Variants in SMIM7 observed in about 807,000 individuals in gnomAD.
The protein encoded by SMIM7 is UPF0608 protein C19orf42.
Under a neutral mutation model 13.3 loss-of-function variants are expected in SMIM7, and 12 were observed. That is an observed-to-expected ratio of 0.90 (90% CI 0.58 to 1.46). SMIM7 has a LOEUF of 1.46. Among genes scored for constraint, SMIM7 ranks in the 40% most tolerant of loss-of-function variants. The probability of loss-of-function intolerance (pLI) is 0.00; values close to 1 mark genes in which losing one functional copy is unlikely to be tolerated. For synonymous variants in SMIM7, 36 were observed against 35.8 expected (o/e 1.01, Z -0.02); for missense variants, 114 against 94.8 (o/e 1.20, Z -0.84).
chr19:16,643,901 G>A (rs1408966129), downstream of SMIM7: 2 of 152,142 alleles, frequency 1.3e-5, no homozygotes, highest in Non-Finnish European at 2.9e-5. Context: ...GCAACAAGGT[G>A]GCTAAGGACC....
At chr19:16,645,483 G>C (rs976035242), downstream of SMIM7, 2 of 152,126 alleles carry the variant, frequency 1.3e-5, no homozygotes, top group African/African-American at 4.8e-5. Flanking sequence ...AGACCTTGGG[G>C]TGATGCTTGG....
Position 16,660,128 on chromosome 19 carries a change from C to A in SMIM7, c.-18G>T, listed in dbSNP as rs753594591. 6.2e-7 allele frequency: 1 copy of A among 1,613,970 alleles called. No homozygotes were observed. On this transcript the variant is annotated 5_prime_UTR_variant, in exon 1 of 5. Coordinates refer to ENST00000487416, the MANE Select transcript of SMIM7 (RefSeq NM_024104.4). ...CCGATCATCGTTACGGCCGAAGCGT[C>A]CGTCAGAACCGGAAGCGGAAGCCCC...
At chr19:16,633,219 G>C (rs956846726) in intron 4 of SMIM7, among the ~76,000 whole-genome samples, 4 of 152,006 alleles carry the variant, frequency 2.6e-5, no homozygotes, top group Non-Finnish European at 4.4e-5. Flanking sequence ...CACTTTGGGA[G>C]GCAGAAGTGG....
At chr19:16,652,555 C>T (rs2086541388) in intron 4 of SMIM7, 3 of 1,111,828 alleles carry the variant, frequency 2.7e-6, no homozygotes, top group South Asian at 5.4e-5. Context: ...TTCTTTGTTC[C>T]TAGGCAAGTC....
At chr19:16,655,309 A>G in intron 3 of SMIM7, 1 of 456,250 alleles carries the variant, frequency 2.2e-6, no homozygotes, top group Non-Finnish European at 4.4e-6. Context: ...AAGACTCCAG[A>G]GACCTGGGTT....
chr19:16,656,107 C>A (rs1043857521), intron 3 of SMIM7, among the ~76,000 whole-genome samples: 5 of 152,044 alleles, frequency 3.3e-5, no homozygotes, highest in African/African-American at 1.2e-4. Context: ...CATTCCAGGC[C>A]GGGTGCAGTG....
chr19:16,654,052 C>T lies in SMIM7; in HGVS notation c.195G>A (p.Met65Ile), dbSNP rs371980842. The T allele has an allele frequency of 1.7e-5, 27 of 1,613,914 alleles. No individual in the cohort carries two copies. The highest frequency in any genetic ancestry group is 2.3e-5 in the Non-Finnish European group (27 of 1,180,000). ...RIFIALWNIF[M>I]MFCMIVLFGS is the part of the protein sequence containing the mutation. ...GGACTCACACAATCATGCAGAACAT[C>T]ATGAAGATGTTCCACAGGGCGATGA... Residue 65 changes from methionine to isoleucine, a missense_variant, in exon 4 of 5, where the codon ATG (methionine) becomes ATA (isoleucine). Coordinates refer to ENST00000487416, the MANE Select transcript of SMIM7 (RefSeq NM_024104.4).
chr19:16,637,391 T>C (rs1211561877), intron 4 of SMIM7, among the ~76,000 whole-genome samples: 4 of 152,018 alleles, frequency 2.6e-5, no homozygotes, highest in African/African-American at 9.7e-5. Flanking sequence ...TATGTGCCTG[T>C]AGTCCCAGGA....
Position 16,647,228 on chromosome 19 carries a change from T to C in SMIM7, c.*18A>G. On this transcript the variant is annotated 3_prime_UTR_variant, in exon 5 of 5. Transcript: ENST00000487416. ...TCGGCATCCCGGGAAAGTGAGTTCC[T>C]GGTTTCATCGCTGGGATTCAAGAGC... 1.2e-6 allele frequency: 2 copies of C among 1,614,056 alleles called. No homozygotes were observed. Among genetic ancestry groups the C allele is most frequent in the Non-Finnish European group, 1.7e-6 (2 of 1,180,022 alleles).
intron 4 of SMIM7, among the ~76,000 whole-genome samples, chr19:16,631,890 C>CAA (rs1568295661): frequency 3.0e-5 from 4 of 134,880 alleles, no homozygotes; most frequent in Non-Finnish European, 4.9e-5. Context: ...TTTTTTTTTT[C>CAA]GAGAGAGTCT....
At chr19:16,658,103 C>T (rs902003453) in intron 3 of SMIM7, among the ~76,000 whole-genome samples, 4 of 152,196 alleles carry the variant, frequency 2.6e-5, no homozygotes, top group African/African-American at 9.6e-5. Context: ...TGGCATCCAC[C>T]GCCTTGACTG....
chr19:16,650,781 A>G (rs73006558), intron 4 of SMIM7, among the ~76,000 whole-genome samples: 16 of 151,622 alleles, frequency 1.1e-4, no homozygotes, highest in Non-Finnish European at 1.8e-4. Context: ...CAATTTCCTC[A>G]GCAACTGCCA....
downstream of SMIM7, among the ~76,000 whole-genome samples, chr19:16,642,421 G>A (rs12985699): frequency 0.018 from 2,787 of 152,138 alleles, 41 homozygotes; most frequent in Non-Finnish European, 0.029. Context: ...AGCTGGGCAG[G>A]CACCTGTAAT....
At chr19:16,639,437 T>A (rs1408960474) in intron 4 of SMIM7, among the ~76,000 whole-genome samples, 2 of 152,166 alleles carry the variant, frequency 1.3e-5, no homozygotes, top group African/African-American at 2.4e-5. Context: ...ATGTCATTTT[T>A]AAAAAACTGT....
At position 16,635,883 on chromosome 19, in the gene SMIM7, C is replaced by CAAAAA. The variant is rs1207972448; in HGVS notation, c.*138-4164_*138-4160dup. On this transcript the variant is annotated intron_variant and NMD_transcript_variant, in intron 4 of 4. Coordinates refer to the SMIM7 transcript ENST00000465250. Reference sequence around the variant, plus strand: ...TGGGCAACAGAGCAAGACCCTGTCTCAAAAAAAAAAAAAAAAATATATATA... The same window carrying CAAAAA: ...TGGGCAACAGAGCAAGACCCTGTCTCAAAAAAAAAAAAAAAAAAAAAATATATATA... 2.0e-3 allele frequency among the ~76,000 whole-genome samples: 162 copies of CAAAAA among 80,456 alleles called. 1 individual carries two copies. Among genetic ancestry groups the CAAAAA allele is most frequent in the African/African-American group, 3.6e-3 (57 of 15,958 alleles). 52.8% of individuals were successfully genotyped at this position (80,456 alleles called of 152,430 possible). A position where few individuals can be genotyped will look rare whatever the true frequency, so the allele number is the denominator to read the frequency against.
chr19:16,647,041 G>C lies in SMIM7; in HGVS notation c.*205C>G, dbSNP rs909490072. 1 of 646,038 alleles carries C rather than the reference G, an allele frequency of 1.5e-6. No homozygotes were observed. The highest frequency in any genetic ancestry group is 1.9e-5 in the South Asian group (1 of 51,504). The allele number at this position is 646,038 out of a possible 1,614,324, so 40.0% of individuals were successfully genotyped here. The stretch of plus-strand genomic sequence containing the variant: ...TCAGTAGACAGCATTTCAATTCAGA[G>C]ACCAAAGTGAAACTATCTTTGAAAA... On this transcript the variant is annotated 3_prime_UTR_variant, in exon 5 of 5. Transcript: ENST00000487416.
intron 3 of SMIM7, chr19:16,655,332 T>C (rs970045951): frequency 2.2e-6 from 1 of 456,038 alleles, no homozygotes; most frequent in Non-Finnish European, 4.4e-6. Context: ...AGACCCTTCT[T>C]CCAGGGTTTC....
At chr19:16,649,557 A>T (rs948916627) in intron 4 of SMIM7, among the ~76,000 whole-genome samples, 1 of 152,204 alleles carries the variant, frequency 6.6e-6, no homozygotes, top group African/African-American at 2.4e-5. Flanking sequence ...TTGGCAACAG[A>T]GCGAGACTCT....
chr19:16,647,048 G>C lies in SMIM7; in HGVS notation c.*198C>G, dbSNP rs2086457492. On this transcript the variant is annotated 3_prime_UTR_variant, in exon 5 of 5. Transcript: ENST00000487416. ...ACAGCATTTCAATTCAGAGACCAAA[G>C]TGAAACTATCTTTGAAAACAGGGAC... 6.0e-6 allele frequency: 4 copies of C among 664,570 alleles called. No individual in the cohort carries two copies. In the Admixed American group the frequency reaches 1.1e-4, roughly 18 times the overall value. The allele number at this position is 664,570 out of a possible 1,614,324, so 41.2% of individuals were successfully genotyped here. A position where few individuals can be genotyped will look rare whatever the true frequency, so the allele number is the denominator to read the frequency against.
Sources: gnomAD v4.1 joint callset for allele counts (sites outside exome capture counted in the v4.1 genomes callset) on GRCh38, gnomAD v4.1.1 for gene constraint, MANE v1.5 for transcripts, NCBI Gene and HGNC (gene_info 2026-07-23, HGNC 2026-07-21) for gene names.